MBTD1: variants seen among roughly 807,000 people sequenced by gnomAD.
MBTD1 encodes mbt domain containing 1.
A neutral mutation model predicts 87.8 loss-of-function variants in MBTD1; 24 were observed. The ratio of observed to expected loss-of-function variants is 0.27; its 90% CI spans 0.20 to 0.38. The LOEUF is 0.38. Ranked by LOEUF, MBTD1 falls within the 10% of genes least tolerant of loss-of-function variation. MBTD1 has a pLI of 1.00. For missense variants in MBTD1, 436 were observed against 760.2 expected (o/e 0.57, Z 5.02); for synonymous variants, 237 against 248.6 (o/e 0.95, Z 0.44).
intron 6 of MBTD1, among the ~76,000 whole-genome samples, chr17:51,211,471 G>C (rs926503766): frequency 2.0e-5 from 3 of 149,298 alleles, no homozygotes; most frequent in African/African-American, 7.4e-5. Flanking sequence ...CGTGCTACTG[G>C]ACTCTAGCCT....
upstream of MBTD1, chr17:51,260,493 C>G (rs2144368766): frequency 7.1e-7 from 1 of 1,408,340 alleles, no homozygotes; most frequent in Non-Finnish European, 9.5e-7. Flanking sequence ...CTTCCGGCCC[C>G]CGGGGCTTCG....
At chr17:51,221,545 G>C (rs1027194784) in intron 3 of MBTD1, among the ~76,000 whole-genome samples, 4 of 152,214 alleles carry the variant, frequency 2.6e-5, no homozygotes, top group African/African-American at 9.7e-5. Flanking sequence ...AGGTAAACTG[G>C]AGAAGCCTGT....
chr17:51,233,118 A>G (rs2053635491), intron 2 of MBTD1, among the ~76,000 whole-genome samples: 1 of 151,444 alleles, frequency 6.6e-6, no homozygotes, highest in African/African-American at 2.4e-5. Context: ...GAATTCACAG[A>G]TAAAACTATA....
intron 3 of MBTD1, among the ~76,000 whole-genome samples, chr17:51,221,253 G>A (rs912633131): frequency 2.0e-5 from 3 of 152,138 alleles, no homozygotes; most frequent in Non-Finnish European, 2.9e-5. Context: ...AGCTATGATC[G>A]CACCACTGCA....
chr17:51,225,258 C>A (rs1182197261), intron 2 of MBTD1, 49 bp from the exon 3 acceptor site: 11 of 1,048,950 alleles, frequency 1.0e-5, no homozygotes, highest in Middle Eastern at 2.2e-4. Flanking sequence ...CTCATACACA[C>A]CCCCTAAAAG....
At chr17:51,185,361 T>C (rs1045266410) in intron 16 of MBTD1, 3 of 152,252 alleles carry the variant, frequency 2.0e-5, no homozygotes, top group Admixed American at 1.3e-4. Flanking sequence ...CCTATGATAA[T>C]ACCATGCTTG....
intron 10 of MBTD1, 21 bp downstream of exon 10, chr17:51,202,680 G>GT (rs1568170091): frequency 1.1e-5 from 17 of 1,567,530 alleles, no homozygotes; most frequent in Non-Finnish European, 1.4e-5. Flanking sequence ...TTTGACAGGA[G>GT]TTCTTGTGAT....
chr17:51,259,249 G>A lies in MBTD1; in HGVS notation c.-112-43C>T, dbSNP rs1030177612. 1.1e-5 allele frequency: 13 copies of A among 1,231,468 alleles called. No homozygotes were observed. The Admixed American group carries it at 3.8e-4, about 36-fold the overall frequency. 76.3% of individuals were successfully genotyped at this position (1,231,468 alleles called of 1,614,324 possible). A position where few individuals can be genotyped will look rare whatever the true frequency, so the allele number is the denominator to read the frequency against. On this transcript the variant is annotated intron_variant, in intron 1 of 16. Coordinates refer to ENST00000586178, the MANE Select transcript of MBTD1 (RefSeq NM_017643.3). ...TTATTTCACAAAGGAGAACGCAATG[G>A]TCACAGAAGTCCACCGACTTGAAAC... is the stretch of plus-strand genomic sequence containing the variant.
intron 2 of MBTD1, among the ~76,000 whole-genome samples, chr17:51,248,749 C>T (rs1346030031): frequency 6.6e-6 from 1 of 152,192 alleles, no homozygotes; most frequent in Admixed American, 6.5e-5. Context: ...CTTACCCTTT[C>T]TTCATCCAGA....
intron 2 of MBTD1, among the ~76,000 whole-genome samples, chr17:51,233,515 A>C (rs1287005756): frequency 6.6e-6 from 1 of 152,216 alleles, no homozygotes; most frequent in African/African-American, 2.4e-5. Context: ...AAGTCAAGGA[A>C]ATCTTTCAAA....
intron 16 of MBTD1, chr17:51,184,409 C>T (rs2050445423): frequency 6.6e-6 from 1 of 152,160 alleles, no homozygotes; most frequent in Non-Finnish European, 1.5e-5. Context: ...GCTACGAAGC[C>T]CATAAATAAT....
At position 51,227,242 on chromosome 17, in the gene MBTD1, C is replaced by CAAAA. The variant is rs71149355; in HGVS notation, c.-48-2037_-48-2034dup. Among the ~76,000 whole-genome samples, 85 of 115,624 alleles carry CAAAA rather than the reference C, an allele frequency of 7.4e-4. 1 individual carries two copies. Among genetic ancestry groups the CAAAA allele is most frequent in the East Asian group, 1.7e-3 (7 of 4,010 alleles). 75.9% of individuals were successfully genotyped at this position (115,624 alleles called of 152,430 possible). On this transcript the variant is annotated intron_variant, in intron 2 of 16. Transcript: ENST00000586178. ...GGGTGACAGAGCGAGACTCTGTCTC[C>CAAAA]AAAAAAAAAAAAAAAAAAAAAAAAA...
intron 3 of MBTD1, among the ~76,000 whole-genome samples, chr17:51,223,545 A>T (rs1187894189): frequency 6.6e-6 from 1 of 150,662 alleles, no homozygotes; most frequent in Non-Finnish European, 1.5e-5. Flanking sequence ...AACAACAACA[A>T]CAACAAAAGC....
chr17:51,188,836 T>G (rs2050668877), intron 16 of MBTD1, among the ~76,000 whole-genome samples: 1 of 147,884 alleles, frequency 6.8e-6, no homozygotes, highest in Admixed American at 6.9e-5. Context: ...CTCGGCTCAC[T>G]GCAACCTCCG....
At chr17:51,247,289 T>A (rs1048940059) in intron 2 of MBTD1, among the ~76,000 whole-genome samples, 1 of 152,208 alleles carries the variant, frequency 6.6e-6, no homozygotes, top group African/African-American at 2.4e-5. Context: ...ATCATCCTTG[T>A]ATTCCTGGTA....
At chr17:51,192,498 CT>C (rs1223510881) in intron 15 of MBTD1, 1 of 634,766 alleles carries the variant, frequency 1.6e-6, no homozygotes, top group Non-Finnish European at 2.7e-6. Context: ...TACCAATAAA[CT>C]TTTAGTATGT....
At chr17:51,187,679 G>T (rs1450875262) in intron 16 of MBTD1, among the ~76,000 whole-genome samples, 3 of 151,770 alleles carry the variant, frequency 2.0e-5, no homozygotes, top group African/African-American at 7.3e-5. Flanking sequence ...GTGAAACCCC[G>T]TCTCTACTAA....
chr17:51,210,746 ACT>A (rs1433054200), intron 6 of MBTD1, among the ~76,000 whole-genome samples: 3 of 140,270 alleles, frequency 2.1e-5, no homozygotes, highest in East Asian at 4.4e-4. Flanking sequence ...ACAGAGCAAG[ACT>A]CTGTCTCAAA....
chr17:51,212,126 G>A (rs974816059), intron 6 of MBTD1, among the ~76,000 whole-genome samples: 5 of 152,120 alleles, frequency 3.3e-5, no homozygotes, highest in African/African-American at 1.2e-4. Flanking sequence ...TTGGGAGGCC[G>A]AGGTGGACAG....
Sources: allele counts gnomAD v4.1 joint callset (sites outside exome capture counted in the v4.1 genomes callset), GRCh38; gene constraint gnomAD v4.1.1; transcripts MANE v1.5; gene names NCBI Gene and HGNC (gene_info 2026-07-23, HGNC 2026-07-21).